The following VPS13A variants were observed in gnomAD, a reference collection of about 807,000 sequenced individuals.
VPS13A encodes the protein vacuolar protein sorting 13 homolog A, also known as intermembrane lipid transfer protein VPS13A.
Under a neutral mutation model 390.9 loss-of-function variants are expected in VPS13A, and 264 were observed. The observed-to-expected ratio is 0.68, with a 90% CI of 0.61 to 0.75. The LOEUF (loss-of-function observed/expected upper bound fraction) is 0.75, where lower values mean the gene tolerates loss of function less well. Among genes scored for constraint, VPS13A ranks in the 30% least tolerant of loss-of-function variants. The pLI is 0.00. For synonymous variants in VPS13A, 1,231 were observed against 1,227.1 expected, an observed-to-expected ratio of 1.00 and a Z score of -0.07; for missense variants, 3,409 against 3,733.9, an observed-to-expected ratio of 0.91 and a Z score of 2.27.
chr9:77,192,916 ACAGTATCCT>A (rs1824769550), intron 1 of VPS13A, among the ~76,000 whole-genome samples: 1 of 152,142 alleles, frequency 6.6e-6, no homozygotes, highest in African/African-American at 2.4e-5. Flanking sequence ...ATTTTTGTGG[ACAGTATCCT>A]CAAATATGTT....
intron 68 of VPS13A, among the ~76,000 whole-genome samples, chr9:77,396,250 T>G (rs1834115189): frequency 6.6e-6 from 1 of 152,216 alleles, no homozygotes; most frequent in South Asian, 2.1e-4. Context: ...AATTCGTATC[T>G]CTTAAGATAT....
intron 23 of VPS13A, among the ~76,000 whole-genome samples, chr9:77,264,718 A>C (rs1825936656): frequency 6.6e-6 from 1 of 152,106 alleles, no homozygotes; most frequent in South Asian, 2.1e-4. Flanking sequence ...GGGTTTTCTA[A>C]ATATACAGTC....
chr9:77,242,408 G>A (rs1824553191), intron 19 of VPS13A, among the ~76,000 whole-genome samples: 1 of 152,030 alleles, frequency 6.6e-6, no homozygotes. Context: ...AGAAAAGTGT[G>A]TGTTATATTC....
At chr9:77,249,302 A>G (rs1825016165) in intron 20 of VPS13A, among the ~76,000 whole-genome samples, 1 of 152,250 alleles carries the variant, frequency 6.6e-6, no homozygotes, top group African/African-American at 2.4e-5. Context: ...AAATTTATAC[A>G]GCTTATTATT....
intron 34 of VPS13A, among the ~76,000 whole-genome samples, chr9:77,304,619 G>C (rs985443856): frequency 6.6e-6 from 1 of 152,184 alleles, no homozygotes; most frequent in South Asian, 2.1e-4. Flanking sequence ...GGAAGAGAAA[G>C]TATTAGAAGA....
At chr9:77,352,444 A>G (rs983682045) in intron 53 of VPS13A, among the ~76,000 whole-genome samples, 3 of 152,030 alleles carry the variant, frequency 2.0e-5, no homozygotes, top group East Asian at 3.9e-4. Context: ...ATTGTATTTA[A>G]GAGGATTGCC....
At chr9:77,255,967 T>A (rs1016464322) in intron 22 of VPS13A, among the ~76,000 whole-genome samples, 1 of 152,090 alleles carries the variant, frequency 6.6e-6, no homozygotes, top group Non-Finnish European at 1.5e-5. Context: ...GATTTTTTTC[T>A]CTATTGTTTT....
intron 24 of VPS13A, among the ~76,000 whole-genome samples, chr9:77,275,169 G>A (rs2131329846): frequency 6.6e-6 from 1 of 152,066 alleles, no homozygotes; most frequent in South Asian, 2.1e-4. Context: ...ATAATCATCG[G>A]CATTGGCATT....
At chr9:77,275,941 T>C (rs1414121503) in intron 25 of VPS13A, 124 bp from the exon 26 acceptor site, 3 of 1,054,338 alleles carry the variant, frequency 2.8e-6, no homozygotes, top group South Asian at 3.0e-5. Context: ...ATAAAATCTC[T>C]CCTAAATTTT....
intron 26 of VPS13A, among the ~76,000 whole-genome samples, chr9:77,278,094 G>A (rs1202789497): frequency 3.3e-5 from 5 of 151,794 alleles, no homozygotes; most frequent in Non-Finnish European, 7.4e-5. Flanking sequence ...TTTTTGAGAT[G>A]GAGTCTCGCT....
intron 23 of VPS13A, among the ~76,000 whole-genome samples, chr9:77,261,157 C>T (rs1355456175): frequency 6.6e-6 from 1 of 152,084 alleles, no homozygotes; most frequent in Non-Finnish European, 1.5e-5. Flanking sequence ...CCTCGGCCTT[C>T]CAAAGTGCTG....
At position 77,364,194 on chromosome 9, in the gene VPS13A, G is replaced by C. The variant is rs142549834; in HGVS notation, c.8212-1266G>C. Among the ~76,000 whole-genome samples the C allele has an allele frequency of 8.4e-3, 1,286 of 152,252 alleles. 10 individuals carry two copies. Among genetic ancestry groups the C allele is most frequent in the South Asian group, 0.013 (65 of 4,822 alleles). ...TAATCCCAGCACTTTGGGAGGCCAA[G>C]GTGGGTAGATCACTTGAGGTCAGGA... On this transcript the variant is annotated intron_variant, in intron 59 of 71. Transcript: ENST00000360280.
At chr9:77,410,742 A>G (rs1351025929) in intron 71 of VPS13A, among the ~76,000 whole-genome samples, 1 of 152,202 alleles carries the variant, frequency 6.6e-6, no homozygotes, top group Non-Finnish European at 1.5e-5. Flanking sequence ...AAGAAGAGCT[A>G]ACTATCCTAA....
chr9:77,283,279 A>T, intron 29 of VPS13A, 76 bp from the exon 30 acceptor site: 1 of 843,288 alleles, frequency 1.2e-6, no homozygotes, highest in Non-Finnish European at 2.0e-6. Context: ...GTGATATTTC[A>T]GTTACTTTAT....
At chr9:77,180,832 G>T (rs764614132) in intron 1 of VPS13A, among the ~76,000 whole-genome samples, 2 of 152,128 alleles carry the variant, frequency 1.3e-5, no homozygotes, top group Non-Finnish European at 2.9e-5. Context: ...TTTGTAGTTA[G>T]TCTAGAAATC....
At position 77,234,666 on chromosome 9, in the gene VPS13A, G is replaced by T. The variant is rs188775020; in HGVS notation, c.1596-3336G>T. Among the ~76,000 whole-genome samples the T allele has an allele frequency of 1.1e-3, 161 of 152,036 alleles. 1 individual carries two copies. Among genetic ancestry groups the T allele is most frequent in the Non-Finnish European group, 1.6e-4 (11 of 67,990 alleles). On this transcript the variant is annotated intron_variant, in intron 17 of 71. Coordinates refer to ENST00000360280, the MANE Select transcript of VPS13A (RefSeq NM_033305.3). ...GTTTAATTTCATTTACATTTAACAT[G>T]TTTACTGGTAGGCAAGAAGTTCTGC...
chr9:77,311,159 C>T lies in VPS13A; in HGVS notation c.4115-2833C>T, dbSNP rs565514699. ...CAGGATGGTCTCGATCTCCTGACCT[C>T]GTGATCCCCCTGCCTCGGTCTCCCA... On this transcript the variant is annotated intron_variant, in intron 35 of 71. Transcript: ENST00000360280. Among the ~76,000 whole-genome samples the T allele has an allele frequency of 5.9e-5, 9 of 152,172 alleles. 1 individual carries two copies. The South Asian group carries it at 1.7e-3, about 28-fold the overall frequency.
intron 51 of VPS13A, 122 bp from the exon 52 acceptor site, chr9:77,344,887 T>A: frequency 9.3e-7 from 1 of 1,069,730 alleles, no homozygotes; most frequent in Non-Finnish European, 1.4e-6. Context: ...AATTCTGAAT[T>A]GTTTTCTCAG....
rs150455121 is a variant in VPS13A at position 77,370,236 on chromosome 9, A to G, written c.8668-21A>G. 9.2e-4 allele frequency: 1,487 copies of G among 1,613,344 alleles called. 16 individuals are homozygous for G. The African/African-American group carries it at 0.018, about 19-fold the overall frequency. ...GTGAATATAACTCACTCACTCATTT[A>G]TTTACTATTTGGCCCTTTAGGGAGC... On this transcript the variant is annotated intron_variant, in intron 63 of 71. Coordinates refer to ENST00000360280, the MANE Select transcript of VPS13A (RefSeq NM_033305.3).
Sources: allele counts gnomAD v4.1 joint callset (sites outside exome capture counted in the v4.1 genomes callset), GRCh38; gene constraint gnomAD v4.1.1; transcripts MANE v1.5; gene names NCBI Gene and HGNC (gene_info 2026-07-23, HGNC 2026-07-21).